ATP8B4: variants seen among roughly 807,000 people sequenced by gnomAD.
ATP8B4 encodes ATPase phospholipid transporting 8B4 (putative), also known as probable phospholipid-transporting ATPase IM.
A neutral mutation model predicts 145.6 loss-of-function variants in ATP8B4; 133 were observed. The observed-to-expected ratio is 0.91, with a 90% CI of 0.79 to 1.05. The LOEUF (loss-of-function observed/expected upper bound fraction) is 1.05. Ranked by LOEUF, ATP8B4 falls within the 50% of genes least tolerant of loss-of-function variation. The pLI, the probability that ATP8B4 is intolerant of heterozygous loss-of-function variation, is 0.00. For synonymous variants in ATP8B4, 507 were observed against 492.9 expected, an observed-to-expected ratio of 1.03 and a Z score of -0.38; for missense variants, 1,458 against 1,425.2, an observed-to-expected ratio of 1.02 and a Z score of -0.37.
intron 3 of ATP8B4, among the ~76,000 whole-genome samples, chr15:50,064,050 T>C (rs1429318081): frequency 1.3e-5 from 2 of 152,082 alleles, no homozygotes; most frequent in East Asian, 3.8e-4. Flanking sequence ...AGACAGGACA[T>C]GGAGTTGGTT....
At chr15:49,904,911 A>G (rs1161634451) in intron 20 of ATP8B4, among the ~76,000 whole-genome samples, 1 of 152,248 alleles carries the variant, frequency 6.6e-6, no homozygotes, top group South Asian at 2.1e-4. Flanking sequence ...AGTTTTTCTA[A>G]TAACAAAACA....
At chr15:50,038,873 T>C in intron 5 of ATP8B4, 44 bp from the exon 6 acceptor site, 1 of 1,542,082 alleles carries the variant, frequency 6.5e-7, no homozygotes, top group Non-Finnish European at 9.0e-7. Context: ...TACAAGGTAC[T>C]TTGTCAGCCC....
intron 3 of ATP8B4, among the ~76,000 whole-genome samples, chr15:50,049,020 G>C (rs906180382): frequency 2.0e-5 from 3 of 152,154 alleles, no homozygotes; most frequent in Non-Finnish European, 4.4e-5. Context: ...TGAGACAGGG[G>C]CAGTAATTTG....
intron 2 of ATP8B4, among the ~76,000 whole-genome samples, chr15:50,094,669 T>C (rs1489396450): frequency 3.4e-5 from 5 of 146,672 alleles, no homozygotes; most frequent in Admixed American, 6.9e-5. Flanking sequence ...ATATTATATA[T>C]CCATATATAT....
At chr15:50,072,942 CTCTCTCTCTCTCTCT>C (rs2053859113) in intron 3 of ATP8B4, among the ~76,000 whole-genome samples, 5 of 23,876 alleles carry the variant, frequency 2.1e-4, no homozygotes, top group Non-Finnish European at 2.9e-4. Flanking sequence ...CTCTCTCTCT[CTCTCTCTCTCTCTCT>C]CTCTCTCTCT....
chr15:49,874,226 G>A (rs920869111), intron 25 of ATP8B4, among the ~76,000 whole-genome samples: 1 of 152,202 alleles, frequency 6.6e-6, no homozygotes, highest in African/African-American at 2.4e-5. Flanking sequence ...GTACTTACAA[G>A]GGGAGATGAC....
chr15:50,065,218 T>C (rs1000800091), intron 3 of ATP8B4, among the ~76,000 whole-genome samples: 1 of 152,186 alleles, frequency 6.6e-6, no homozygotes, highest in Non-Finnish European at 1.5e-5. Flanking sequence ...TATAAATATA[T>C]ACAATTTTTA....
intron 6 of ATP8B4, among the ~76,000 whole-genome samples, chr15:50,024,482 C>G (rs1453058081): frequency 2.0e-5 from 3 of 152,110 alleles, no homozygotes; most frequent in African/African-American, 4.8e-5. Context: ...GAAAATGAAG[C>G]CTTAAATTTA....
At chr15:49,981,611 A>G (rs186052415) in intron 10 of ATP8B4, among the ~76,000 whole-genome samples, 4 of 152,302 alleles carry the variant, frequency 2.6e-5, no homozygotes, top group Non-Finnish European at 4.4e-5. Flanking sequence ...TAAAGATAAC[A>G]AAGTCAACAA....
intron 7 of ATP8B4, among the ~76,000 whole-genome samples, chr15:50,004,438 C>G (rs1315144587): frequency 6.6e-6 from 1 of 152,192 alleles, no homozygotes; most frequent in African/African-American, 2.4e-5. Context: ...TTGGGGCCCA[C>G]TTTCCCCAGG....
At chr15:50,165,515 C>A (rs1256374718) in intron 1 of ATP8B4, among the ~76,000 whole-genome samples, 1 of 152,062 alleles carries the variant, frequency 6.6e-6, no homozygotes, top group East Asian at 1.9e-4. Flanking sequence ...TCTCTTTGGT[C>A]ATCTTGCTCT....
At chr15:50,125,874 A>C (rs2153678434) in intron 1 of ATP8B4, among the ~76,000 whole-genome samples, 1 of 152,318 alleles carries the variant, frequency 6.6e-6, no homozygotes, top group Non-Finnish European at 1.5e-5. Context: ...CTGCTGCTAC[A>C]GCTTGTAACT....
intron 6 of ATP8B4, among the ~76,000 whole-genome samples, chr15:50,036,179 T>C (rs992866243): frequency 6.6e-6 from 1 of 152,126 alleles, no homozygotes; most frequent in Admixed American, 6.5e-5. Context: ...ATTAAGAAAG[T>C]ATTTCTAGGA....
intron 13 of ATP8B4, among the ~76,000 whole-genome samples, chr15:49,967,615 GC>G (rs1425041611): frequency 6.6e-6 from 1 of 152,182 alleles, no homozygotes; most frequent in Non-Finnish European, 1.5e-5. Flanking sequence ...CAAGAAATAT[GC>G]GACTATGTGA....
At chr15:50,165,816 A>G (rs948506368) in intron 1 of ATP8B4, among the ~76,000 whole-genome samples, 4 of 152,204 alleles carry the variant, frequency 2.6e-5, no homozygotes, top group South Asian at 2.1e-4. Flanking sequence ...AAAACTGTTG[A>G]GCAATATCAA....
At chr15:49,977,374 G>C (rs960789274) in intron 12 of ATP8B4, among the ~76,000 whole-genome samples, 2 of 151,892 alleles carry the variant, frequency 1.3e-5, no homozygotes, top group African/African-American at 4.8e-5. Flanking sequence ...GCTCTCATTT[G>C]TCTTCATCAA....
At chr15:49,938,167 G>A (rs2041881719) in intron 14 of ATP8B4, among the ~76,000 whole-genome samples, 1 of 152,160 alleles carries the variant, frequency 6.6e-6, no homozygotes, top group Non-Finnish European at 1.5e-5. Flanking sequence ...AGGCCTATGT[G>A]AGAAAGTGAG....
At chr15:49,946,420 T>C (rs1372689190) in intron 14 of ATP8B4, among the ~76,000 whole-genome samples, 1 of 152,228 alleles carries the variant, frequency 6.6e-6, no homozygotes, top group East Asian at 1.9e-4. Context: ...TTCCCAGTTC[T>C]ATACCACACA....
chr15:49,972,834 A>C (rs936960244), intron 12 of ATP8B4, 44 bp from the exon 13 acceptor site: 2 of 1,583,620 alleles, frequency 1.3e-6, no homozygotes, highest in African/African-American at 2.7e-5. Flanking sequence ...ATGCTCCATT[A>C]ATTTCAGAAC....
Sources: gnomAD v4.1 joint callset for allele counts (sites outside exome capture counted in the v4.1 genomes callset) on GRCh38, gnomAD v4.1.1 for gene constraint, MANE v1.5 for transcripts, NCBI Gene and HGNC (gene_info 2026-07-23, HGNC 2026-07-21) for gene names.